The following TMEM202 variants were observed in gnomAD, a reference collection of about 807,000 sequenced individuals.
TMEM202 encodes transmembrane protein 202.
A neutral mutation model predicts 26.1 loss-of-function variants in TMEM202; 25 were observed. The ratio of observed to expected loss-of-function variants is 0.96; its 90% CI spans 0.70 to 1.34. The LOEUF is 1.34. TMEM202 is among the 40% of genes most tolerant of loss of function. The probability of loss-of-function intolerance (pLI) is 0.00; values close to 1 mark genes in which losing one functional copy is unlikely to be tolerated. For missense variants in TMEM202, 301 were observed against 327.7 expected (o/e 0.92, Z 0.63); for synonymous variants, 122 against 119.0 (o/e 1.02, Z -0.16).
intron 2 of TMEM202, among the ~76,000 whole-genome samples, chr15:72,400,815 G>A (rs1389151673): frequency 6.6e-6 from 1 of 152,184 alleles, no homozygotes; most frequent in East Asian, 1.9e-4. Flanking sequence ...GAGGAGCCCC[G>A]AGGGCTGCTG....
rs1052305312 is a variant in TMEM202 at position 72,407,890 on chromosome 15, G to A, written c.819G>A (p.Trp273Ter). Reference sequence around the variant, plus strand: ...ATTTACCAAAGTCAGGACTGTGGTGGTGATAGGAAAACCTAACTATAGCTT... The same window carrying A: ...ATTTACCAAAGTCAGGACTGTGGTGATGATAGGAAAACCTAACTATAGCTT... ...EKNLPKSGLW[W>*] Residue 273 changes from tryptophan to a stop codon, truncating the protein, a stop_gained, in exon 5 of 5, where the codon TGG becomes TGA. Transcript: ENST00000341689. LOFTEE classifies it high-confidence loss of function. 2 of 1,612,416 alleles carry A rather than the reference G, an allele frequency of 1.2e-6. No individual in the cohort carries two copies. Among genetic ancestry groups the A allele is most frequent in the African/African-American group, 1.3e-5 (1 of 75,000 alleles).
At chr15:72,398,998 A>G in intron 2 of TMEM202, 90 bp downstream of exon 2, 1 of 1,498,590 alleles carries the variant, frequency 6.7e-7, no homozygotes, top group Non-Finnish European at 9.0e-7. Flanking sequence ...TCTTCCTCCA[A>G]GATCTTTTGG....
At position 72,407,949 on chromosome 15, in the gene TMEM202, T is replaced by C; in HGVS notation, c.*56T>C. ...AGCAGGGGAGAAGCTGAGTTGGGAATGGTCACATAAATTCTGGGAAACTCT... is the reference window on the plus strand; with the variant it reads ...AGCAGGGGAGAAGCTGAGTTGGGAACGGTCACATAAATTCTGGGAAACTCT... On this transcript the variant is annotated 3_prime_UTR_variant, in exon 5 of 5. Transcript: ENST00000341689. 6.9e-7 allele frequency: 1 copy of C among 1,445,758 alleles called. No individual in the cohort carries two copies. Among genetic ancestry groups the C allele is most frequent in the Non-Finnish European group, 9.6e-7 (1 of 1,045,008 alleles). 89.6% of individuals were successfully genotyped at this position (1,445,758 alleles called of 1,614,324 possible).
chr15:72,408,063 A>G lies in TMEM202; in HGVS notation c.*170A>G, dbSNP rs2063582164. The G allele has an allele frequency of 5.1e-6, 3 of 591,154 alleles. No homozygotes were observed. In the East Asian group the frequency reaches 8.4e-5, roughly 17 times the overall value. 36.6% of individuals were successfully genotyped at this position (591,154 alleles called of 1,614,324 possible). A position where few individuals can be genotyped will look rare whatever the true frequency, so the allele number is the denominator to read the frequency against. On this transcript the variant is annotated 3_prime_UTR_variant, in exon 5 of 5. Coordinates refer to ENST00000341689, the MANE Select transcript of TMEM202 (RefSeq NM_001080462.3). ...GCATTGGATCCAAAATATATATGAT[A>G]GTCATAAAGTAAATAACTCACTTAA...
chr15:72,402,108 G>A (rs763759919), intron 2 of TMEM202, among the ~76,000 whole-genome samples: 9 of 152,092 alleles, frequency 5.9e-5, no homozygotes, highest in Non-Finnish European at 1.3e-4. Context: ...TGGGATTACA[G>A]GTGTGCGCCA....
At chr15:72,401,377 C>T (rs2063546916) in intron 2 of TMEM202, among the ~76,000 whole-genome samples, 1 of 152,070 alleles carries the variant, frequency 6.6e-6, no homozygotes, top group Non-Finnish European at 1.5e-5. Context: ...AACCCTGTCT[C>T]TACAAAAAAT....
Position 72,398,316 on chromosome 15 carries a change from TAAC to T in TMEM202, c.-10_-8del. The stretch of plus-strand genomic sequence containing the variant: ...ACAAATTCCGTGGCAGTTAGAGAAC[TAAC>T]TGCCAAGATGGAGCGAAGGGAACAT... On this transcript the variant is annotated 5_prime_UTR_variant, in exon 1 of 5. Transcript: ENST00000341689. 6.2e-7 allele frequency: 1 copy of T among 1,610,332 alleles called. No individual in the cohort carries two copies.
Position 72,407,734 on chromosome 15 carries a change from C to G in TMEM202, c.663C>G (p.Ala221=). Residue 221 remains alanine (A), a synonymous_variant, in exon 5 of 5, where the codon GCC becomes GCG. Coordinates refer to ENST00000341689, the MANE Select transcript of TMEM202 (RefSeq NM_001080462.3). ...LLNYLTSRSP[A]CDENVTVIPT... is the part of the protein sequence containing the mutation. ...ACTACTTAACTTCCAGATCGCCTGC[C>G]TGTGATGAAAACGTCACTGTGATTC... 2 of 1,613,946 alleles carry G rather than the reference C, an allele frequency of 1.2e-6. No individual in the cohort carries two copies. The highest frequency in any genetic ancestry group is 1.7e-4 in the Middle Eastern group (1 of 6,056).
At position 72,407,352 on chromosome 15, in the gene TMEM202, A is replaced by G; in HGVS notation, c.619+135A>G. On this transcript the variant is annotated intron_variant, in intron 4 of 4. Transcript: ENST00000341689. ...CTGATACTTGGAGAGTCAGGGGGGC[A>G]TAATGAAGAAAGGGTGGATTTTAGA... is the stretch of plus-strand genomic sequence containing the variant. 2.7e-6 allele frequency: 3 copies of G among 1,094,878 alleles called. No individual in the cohort carries two copies. The South Asian group carries it at 4.5e-5, about 17-fold the overall frequency. 67.8% of individuals were successfully genotyped at this position (1,094,878 alleles called of 1,614,324 possible). A position where few individuals can be genotyped will look rare whatever the true frequency, so the allele number is the denominator to read the frequency against.
At chr15:72,398,559 C>T (rs1567314366) in intron 1 of TMEM202, 94 bp from the exon 2 acceptor site, 1 of 1,478,382 alleles carries the variant, frequency 6.8e-7, no homozygotes, top group Non-Finnish European at 9.2e-7. Flanking sequence ...ATAAATCAAA[C>T]ACACATGGGA....
At chr15:72,401,717 G>A (rs1430554724) in intron 2 of TMEM202, among the ~76,000 whole-genome samples, 2 of 152,078 alleles carry the variant, frequency 1.3e-5, no homozygotes, top group Non-Finnish European at 2.9e-5. Flanking sequence ...CTTTGTTTAT[G>A]CTTTGTTTTA....
In TMEM202 at chr15:72,408,347, T is replaced by C. The variant is rs998001259; in HGVS notation, c.*454T>C. Among the ~76,000 whole-genome samples the C allele has an allele frequency of 6.6e-6, 1 of 152,198 alleles. No homozygotes were observed. The highest frequency in any genetic ancestry group is 2.4e-5 in the African/African-American group (1 of 41,450). ...ATAGCATTACCAGAAATGGAATAAA[T>C]ATCAATGGATATAAGACCTACTACT... On this transcript the variant is annotated 3_prime_UTR_variant, in exon 5 of 5. Transcript: ENST00000341689.
intron 2 of TMEM202, among the ~76,000 whole-genome samples, chr15:72,400,847 T>G (rs2063544134): frequency 6.6e-6 from 1 of 152,240 alleles, no homozygotes; most frequent in African/African-American, 2.4e-5. Flanking sequence ...TAATGGCTAT[T>G]TCTTTATTAT....
In TMEM202 at chr15:72,407,821, A is replaced by C; in HGVS notation, c.750A>C (p.Glu250Asp). Reference sequence around the variant, plus strand: ...CTACAGTATCACCTGCTAAAGATGAAGGGCCAAGGTCTGAGATGGAATCTC... The same window carrying C: ...CTACAGTATCACCTGCTAAAGATGACGGGCCAAGGTCTGAGATGGAATCTC... ...PVTTVSPAKD[E>D]GPRSEMESLS... Residue 250 changes from glutamate to aspartate, a missense_variant, in exon 5 of 5, where the codon GAA becomes GAC. Transcript: ENST00000341689. The C allele has an allele frequency of 6.2e-7, 1 of 1,614,128 alleles. No individual in the cohort carries two copies. Among genetic ancestry groups the C allele is most frequent in the Non-Finnish European group, 8.5e-7 (1 of 1,180,024 alleles).
chr15:72,398,912 AG>A lies in TMEM202; in HGVS notation c.337+5del. ...AGCCACACACCCAAGCCACCCTGTG[AG>A]TGCCACCGAATTAAATGCCACAGGC... On this transcript the variant is annotated splice_donor_5th_base_variant and intron_variant, in intron 2 of 4. Transcript: ENST00000341689. 4 of 1,598,040 alleles carry A rather than the reference AG, an allele frequency of 2.5e-6. No individual in the cohort carries two copies. The highest frequency in any genetic ancestry group is 3.4e-6 in the Non-Finnish European group (4 of 1,167,690).
chr15:72,407,120 G>A lies in TMEM202; in HGVS notation c.522G>A (p.Val174=). 1.2e-6 allele frequency: 2 copies of A among 1,612,914 alleles called. No homozygotes were observed. The highest frequency in any genetic ancestry group is 1.7e-6 in the Non-Finnish European group (2 of 1,179,768). The change falls in exon 4 of 5, where the codon GTG becomes GTA. Residue 174 remains valine (V), a synonymous_variant. Coordinates refer to ENST00000341689, the MANE Select transcript of TMEM202 (RefSeq NM_001080462.3). ...TGCTCCTCTGCCTCAACCTGTTTGT[G>A]GCACAGGTTCACTGGCATACTAGGG... ...TCLLLCLNLF[V]AQVHWHTRDA...
chr15:72,406,476 T>C, intron 2 of TMEM202, 126 bp from the exon 3 acceptor site: 2 of 684,868 alleles, frequency 2.9e-6, no homozygotes, highest in Non-Finnish European at 4.9e-6. Flanking sequence ...AAAAAGGATG[T>C]CATGTAGCAA....
intron 2 of TMEM202, among the ~76,000 whole-genome samples, chr15:72,405,383 T>C (rs548061088): frequency 2.1e-4 from 32 of 152,164 alleles, no homozygotes; most frequent in Non-Finnish European, 3.5e-4. Context: ...CTTCTAAATC[T>C]TCAGTAAAAT....
In TMEM202 at chr15:72,398,377, C is replaced by A; in HGVS notation, c.51C>A (p.Pro17=). Reference sequence around the variant, plus strand: ...TGACTTTCCACAGTCCTGAGGTTCCCAAAATAAAGGGGAACCGGAAATACC... The same window carrying A: ...TGACTTTCCACAGTCCTGAGGTTCCAAAAATAAAGGGGAACCGGAAATACC... ...LTLTFHSPEV[P]KIKGNRKYQR... is the part of the protein sequence containing the mutation. The change falls in exon 1 of 5, where the codon CCC becomes CCA. Residue 17 remains proline, a synonymous_variant. Transcript: ENST00000341689. The A allele has an allele frequency of 1.9e-6, 3 of 1,612,848 alleles. No homozygotes were observed. Among genetic ancestry groups the A allele is most frequent in the Non-Finnish European group, 2.5e-6 (3 of 1,179,638 alleles).
Sources: allele counts gnomAD v4.1 joint callset (sites outside exome capture counted in the v4.1 genomes callset), GRCh38; gene constraint gnomAD v4.1.1; transcripts MANE v1.5; gene names NCBI Gene and HGNC (gene_info 2026-07-23, HGNC 2026-07-21).